PCDHA7: variants seen among roughly 807,000 people sequenced by gnomAD.
The protein encoded by PCDHA7 is protocadherin alpha-7.
Under a neutral mutation model 57.2 loss-of-function variants are expected in PCDHA7, and 37 were observed. The ratio of observed to expected loss-of-function variants is 0.65; its 90% CI spans 0.50 to 0.85. PCDHA7 has a LOEUF of 0.85. PCDHA7 is among the 40% of genes least tolerant of loss of function. The pLI is 0.00. For synonymous variants in PCDHA7, 553 were observed against 558.8 expected (o/e 0.99, Z 0.15); for missense variants, 1,188 against 1,241.8 (o/e 0.96, Z 0.65).
At chr5:140,926,987 G>A (rs782407289) in intron 1 of PCDHA7, 13 of 1,610,996 alleles carry the variant, frequency 8.1e-6, no homozygotes, top group Non-Finnish European at 1.1e-5. Flanking sequence ...GAGACGGAGC[G>A]GGGCGTAGCC....
At chr5:140,937,906 C>T (rs1235683629) in intron 1 of PCDHA7, among the ~76,000 whole-genome samples, 6 of 130,108 alleles carry the variant, frequency 4.6e-5, no homozygotes, top group African/African-American at 6.4e-5. Context: ...AGTGAGACTC[C>T]GTCTCAAAAA....
intron 1 of PCDHA7, chr5:140,854,248 G>A (rs781986027): frequency 3.2e-6 from 2 of 634,534 alleles, no homozygotes; most frequent in Non-Finnish European, 3.9e-6. Context: ...GTTATCACTT[G>A]GTATAAAATG....
chr5:140,922,898 T>A (rs916788135), intron 1 of PCDHA7, among the ~76,000 whole-genome samples: 2 of 152,022 alleles, frequency 1.3e-5, no homozygotes, highest in African/African-American at 4.8e-5. Flanking sequence ...CAAGAAAAAA[T>A]TTTGAGATAC....
chr5:140,842,069 A>C (rs2150328859), intron 1 of PCDHA7: 5 of 1,613,784 alleles, frequency 3.1e-6, no homozygotes, highest in Non-Finnish European at 4.2e-6. Flanking sequence ...ATACGAAGTA[A>C]GAATATTCGA....
chr5:140,875,675 C>G, intron 1 of PCDHA7: 8 of 1,613,858 alleles, frequency 5.0e-6, no homozygotes, highest in Non-Finnish European at 6.8e-6. Context: ...CGGGTGGCGT[C>G]CAAAAGACAC....
chr5:140,950,668 T>C (rs185130303), intron 1 of PCDHA7, among the ~76,000 whole-genome samples: 5 of 152,238 alleles, frequency 3.3e-5, no homozygotes, highest in African/African-American at 9.6e-5. Flanking sequence ...TTATCAAACA[T>C]GTACATGTAT....
chr5:141,006,507 C>T (rs2098276539), intron 3 of PCDHA7, among the ~76,000 whole-genome samples: 1 of 152,156 alleles, frequency 6.6e-6, no homozygotes, highest in Admixed American at 6.5e-5. Flanking sequence ...GCCACCGCGC[C>T]TGGCTGTTAT....
chr5:140,891,667 A>T (rs2153435107), intron 1 of PCDHA7, among the ~76,000 whole-genome samples: 1 of 152,286 alleles, frequency 6.6e-6, no homozygotes, highest in African/African-American at 2.4e-5. Flanking sequence ...CCCACCTTAA[A>T]GTTTAATAAT....
intron 1 of PCDHA7, among the ~76,000 whole-genome samples, chr5:140,875,039 A>AT: frequency 3.9e-5 from 6 of 152,348 alleles, no homozygotes; most frequent in Admixed American, 3.9e-4. Context: ...TATTTGAAAG[A>AT]TTTCTACTTT....
chr5:140,963,666 ATAGT>A (rs1254219157), intron 1 of PCDHA7, among the ~76,000 whole-genome samples: 1 of 152,216 alleles, frequency 6.6e-6, no homozygotes, highest in African/African-American at 2.4e-5. Flanking sequence ...CCTATATGGC[ATAGT>A]TAAATGTGTT....
intron 1 of PCDHA7, chr5:140,870,820 G>A (rs1554164732): frequency 6.2e-7 from 1 of 1,613,748 alleles, no homozygotes; most frequent in Non-Finnish European, 8.5e-7. Context: ...TGGCAGCGCG[G>A]GAGGCGCAGT....
intron 1 of PCDHA7, chr5:140,878,044 G>A (rs1554170271): frequency 1.9e-6 from 1 of 516,218 alleles, no homozygotes; most frequent in Admixed American, 3.9e-5. Flanking sequence ...TGGAGGCCAT[G>A]GAGCACCACA....
rs563652109 is a variant in PCDHA7 at position 140,884,316 on chromosome 5, C to G, written c.2355+47578C>G. 26 of 1,613,752 alleles carry G rather than the reference C, an allele frequency of 1.6e-5. 2 individuals carry two copies. The South Asian group carries it at 2.5e-4, about 16-fold the overall frequency. On this transcript the variant is annotated intron_variant, in intron 1 of 3. Transcript: ENST00000525929. ...GCGCCACAGGCTTCGTCGAGGGCGT[C>G]GGCAGGCGCTGTGGGTCCAGAAGCG...
At chr5:140,976,782 A>G (rs1209900673) in intron 1 of PCDHA7, among the ~76,000 whole-genome samples, 1 of 152,212 alleles carries the variant, frequency 6.6e-6, no homozygotes, top group African/African-American at 2.4e-5. Flanking sequence ...CTGACTATAT[A>G]GCTACGCTTT....
intron 1 of PCDHA7, chr5:140,926,963 A>G (rs782460460): frequency 1.2e-6 from 2 of 1,605,984 alleles, no homozygotes; most frequent in South Asian, 2.2e-5. Context: ...CAGCTCGAGT[A>G]CTCAGTGCCG....
chr5:140,883,564 G>C, intron 1 of PCDHA7: 1 of 1,614,174 alleles, frequency 6.2e-7, no homozygotes, highest in Non-Finnish European at 8.5e-7. Context: ...ACGGGGGCTC[G>C]CCTTCGCTGT....
chr5:140,843,708 G>A, intron 1 of PCDHA7: 1 of 1,577,200 alleles, frequency 6.3e-7, no homozygotes, highest in South Asian at 1.1e-5. Context: ...GTTGATCATG[G>A]CCTCAAAGTA....
At chr5:140,926,255 G>T (rs562420240) in intron 1 of PCDHA7, 1 of 152,224 alleles carries the variant, frequency 6.6e-6, no homozygotes, top group African/African-American at 2.4e-5. Flanking sequence ...TCACCGTCCC[G>T]CCTCTCGCCG....
At chr5:140,853,405 G>A (rs2042737613) in intron 1 of PCDHA7, 1 of 986,340 alleles carries the variant, frequency 1.0e-6, no homozygotes, top group Non-Finnish European at 1.2e-6. Flanking sequence ...GTTCAAAACA[G>A]AGAGGTGAAA....
Sources: allele counts gnomAD v4.1 joint callset (sites outside exome capture counted in the v4.1 genomes callset), GRCh38; gene constraint gnomAD v4.1.1; transcripts MANE v1.5; gene names NCBI Gene and HGNC (gene_info 2026-07-23, HGNC 2026-07-21).